The following ADCY2 variants were observed in gnomAD, a reference collection of about 807,000 sequenced individuals.
ADCY2 encodes the protein adenylate cyclase type 2.
ADCY2 carries 31 observed loss-of-function variants against 125.2 expected under a neutral mutation model. That is an observed-to-expected ratio of 0.25 (90% confidence interval 0.19 to 0.33). ADCY2 has a LOEUF of 0.33. Ranked by LOEUF, ADCY2 falls within the 10% of genes least tolerant of loss-of-function variation. ADCY2 has a pLI of 1.00. For missense variants in ADCY2, 904 were observed against 1,418.2 expected (o/e 0.64, Z 5.82); for synonymous variants, 512 against 548.4 (o/e 0.93, Z 0.93).
rs7733120 is a variant in ADCY2, at chr5:7,717,658, C to T, written c.1703+421C>T. On this transcript the variant is annotated intron_variant, in intron 12 of 24. Coordinates refer to ENST00000338316, the MANE Select transcript of ADCY2 (RefSeq NM_020546.3). Reference sequence around the variant, plus strand: ...GTTCTAAATCCTAGAAGAGAATTAGCATTGGTGAGTAATGAGAGGAAGACT... The same window carrying T: ...GTTCTAAATCCTAGAAGAGAATTAGTATTGGTGAGTAATGAGAGGAAGACT... 4.2e-3 allele frequency among the ~76,000 whole-genome samples: 632 copies of T among 152,246 alleles called. 5 individuals carry two copies. Among genetic ancestry groups the T allele is most frequent in the African/African-American group, 0.013 (553 of 41,550 alleles).
chr5:7,796,214 G>C (rs1372576650), intron 20 of ADCY2: 1 of 152,196 alleles, frequency 6.6e-6, no homozygotes, highest in East Asian at 1.9e-4. Flanking sequence ...CCCTGAGGAT[G>C]AACGACTTCC....
chr5:7,468,727 C>T (rs533964063), intron 2 of ADCY2, among the ~76,000 whole-genome samples: 1 of 152,208 alleles, frequency 6.6e-6, no homozygotes, highest in South Asian at 2.1e-4. Context: ...AAGGCAAGGG[C>T]ATAGAGGCCG....
At chr5:7,589,478 G>GAA (rs1554022196) in intron 3 of ADCY2, among the ~76,000 whole-genome samples, 1 of 50,738 alleles carries the variant, frequency 2.0e-5, no homozygotes, top group Admixed American at 3.2e-4. Context: ...AAGAAAGAAA[G>GAA]AAAGAAAGAA....
At chr5:7,644,542 T>C (rs576655470) in intron 4 of ADCY2, among the ~76,000 whole-genome samples, 1 of 152,290 alleles carries the variant, frequency 6.6e-6, no homozygotes, top group South Asian at 2.1e-4. Flanking sequence ...TTATTGGCTT[T>C]CAATTCAGTA....
chr5:7,746,713 T>C (rs1333968709), intron 15 of ADCY2, among the ~76,000 whole-genome samples: 2 of 152,246 alleles, frequency 1.3e-5, no homozygotes, highest in Non-Finnish European at 2.9e-5. Flanking sequence ...TAACGTATGG[T>C]AACTTTCTGA....
chr5:7,539,211 A>C (rs1327532654), intron 3 of ADCY2, among the ~76,000 whole-genome samples: 1 of 152,144 alleles, frequency 6.6e-6, no homozygotes, highest in Non-Finnish European at 1.5e-5. Flanking sequence ...ATCAGAGTAC[A>C]GTTTTGATAA....
Position 7,546,677 on chromosome 5 carries a change from A to C in ADCY2, c.570+25778A>C, listed in dbSNP as rs374698971. ...AGATCTTGCAAAAGCAGGCTGGATCATGTGTTATGCTTAAGATGCACAACC... is the reference window on the plus strand; with the variant it reads ...AGATCTTGCAAAAGCAGGCTGGATCCTGTGTTATGCTTAAGATGCACAACC... On this transcript the variant is annotated intron_variant, in intron 3 of 24. Transcript: ENST00000338316. Among the ~76,000 whole-genome samples the C allele has an allele frequency of 1.1e-4, 16 of 152,314 alleles. No individual in the cohort carries two copies. The East Asian group carries it at 2.3e-3, about 22-fold the overall frequency.
At position 7,474,719 on chromosome 5, in the gene ADCY2, A is replaced by G. The variant is rs543162914; in HGVS notation, c.409-46019A>G. Among the ~76,000 whole-genome samples the G allele has an allele frequency of 2.0e-5, 3 of 152,354 alleles. No homozygotes were observed. In the South Asian group the frequency reaches 6.2e-4, roughly 32 times the overall value. ...TAGCTTGTGGAGGTGGTGGAAAGAA[A>G]GAAGCTTGGGTTTTACTGTAAGCAC... On this transcript the variant is annotated intron_variant, in intron 2 of 24. Transcript: ENST00000338316.
At chr5:7,399,803 G>A (rs1404890122) in intron 1 of ADCY2, among the ~76,000 whole-genome samples, 3 of 152,288 alleles carry the variant, frequency 2.0e-5, no homozygotes, top group Admixed American at 2.0e-4. Flanking sequence ...CCAAGTGCCA[G>A]GAATGGCAAT....
intron 2 of ADCY2, among the ~76,000 whole-genome samples, chr5:7,453,937 C>A (rs754613017): frequency 9.9e-5 from 15 of 152,144 alleles, no homozygotes; most frequent in Non-Finnish European, 2.1e-4. Context: ...AGCCCACTCA[C>A]CCGACTCCTG....
intron 3 of ADCY2, among the ~76,000 whole-genome samples, chr5:7,558,122 G>A (rs947849739): frequency 8.6e-5 from 13 of 151,160 alleles, no homozygotes; most frequent in African/African-American, 2.9e-4. Context: ...GCACAATCTC[G>A]GCTCACTGCA....
chr5:7,690,680 A>G lies in ADCY2; in HGVS notation c.721-11A>G, dbSNP rs895289342. 3.9e-6 allele frequency: 6 copies of G among 1,555,098 alleles called. No homozygotes were observed. The African/African-American group carries it at 8.3e-5, about 21-fold the overall frequency. ...GAGAGACATTTGTTCCTCCTTCCCC[A>G]CCTTGTCCAGGAGCGGCTTCTGCTC... On this transcript the variant is annotated splice_polypyrimidine_tract_variant and intron_variant, in intron 4 of 24. Coordinates refer to ENST00000338316, the MANE Select transcript of ADCY2 (RefSeq NM_020546.3).
At chr5:7,404,808 G>C (rs1375875335) in intron 1 of ADCY2, among the ~76,000 whole-genome samples, 3 of 152,282 alleles carry the variant, frequency 2.0e-5, no homozygotes, top group South Asian at 2.1e-4. Flanking sequence ...ATCGGCTGGG[G>C]TGGTTTGAAG....
intron 3 of ADCY2, among the ~76,000 whole-genome samples, chr5:7,616,018 G>A (rs1032197783): frequency 6.6e-6 from 1 of 152,038 alleles, no homozygotes; most frequent in Non-Finnish European, 1.5e-5. Flanking sequence ...AGTGGTTTTT[G>A]CATCAAGTAC....
intron 22 of ADCY2, among the ~76,000 whole-genome samples, chr5:7,812,705 C>G (rs551168273): frequency 3.9e-5 from 6 of 152,124 alleles, no homozygotes; most frequent in Non-Finnish European, 7.3e-5. Context: ...CTCAGGAGTG[C>G]GAGACCAACC....
chr5:7,772,966 C>G lies in ADCY2; in HGVS notation c.2249C>G (p.Ser750Cys). 6.2e-7 allele frequency: 1 copy of G among 1,614,146 alleles called. No homozygotes were observed. The highest frequency in any genetic ancestry group is 1.1e-5 in the South Asian group (1 of 91,080). Reference protein sequence around the residue: ...FIYSCILGLISCSVFLRVNYE... With the variant: ...FIYSCILGLICCSVFLRVNYE... The stretch of plus-strand genomic sequence containing the variant: ...TACAGCTGCATTCTGGGACTGATAT[C>G]CTGTTCCGTGTTCCTGCGGGTAAAC... The change falls in exon 18 of 25, where the codon TCC becomes TGC. Residue 750 changes from serine to cysteine, a missense_variant. Coordinates refer to ENST00000338316, the MANE Select transcript of ADCY2 (RefSeq NM_020546.3).
chr5:7,724,699 T>C (rs925661503), intron 13 of ADCY2, 85 bp downstream of exon 13: 1 of 1,033,888 alleles, frequency 9.7e-7, no homozygotes, highest in African/African-American at 1.6e-5. Context: ...GTTTTTTATA[T>C]GTGACATTTA....
chr5:7,552,283 TA>T (rs1009027756), intron 3 of ADCY2, among the ~76,000 whole-genome samples: 5 of 152,198 alleles, frequency 3.3e-5, no homozygotes, highest in Non-Finnish European at 7.3e-5. Context: ...ACATTTTAAT[TA>T]CATTGTTTTT....
intron 4 of ADCY2, chr5:7,657,916 G>C (rs572386404): frequency 6.6e-6 from 1 of 152,364 alleles, no homozygotes; most frequent in South Asian, 2.1e-4. Flanking sequence ...ACTGAGGAGG[G>C]AGGCAGCTCC....
Sources: gnomAD v4.1 joint callset for allele counts (sites outside exome capture counted in the v4.1 genomes callset) on GRCh38, gnomAD v4.1.1 for gene constraint, MANE v1.5 for transcripts, NCBI Gene and HGNC (gene_info 2026-07-23, HGNC 2026-07-21) for gene names.